ITGA11: variants seen among roughly 807,000 people sequenced by gnomAD.
ITGA11 encodes the protein integrin subunit alpha 11.
A neutral mutation model predicts 141.9 loss-of-function variants in ITGA11; 97 were observed. The ratio of observed to expected loss-of-function variants is 0.68; its 90% CI spans 0.58 to 0.81. The LOEUF (loss-of-function observed/expected upper bound fraction) is 0.81. Ranked by LOEUF, ITGA11 falls within the 30% of genes least tolerant of loss-of-function variation. The pLI is 0.00. For synonymous variants in ITGA11, 658 were observed against 624.6 expected (o/e 1.05, Z -0.80); for missense variants, 1,387 against 1,559.2 (o/e 0.89, Z 1.86).
rs375247290 is a variant in ITGA11, at chr15:68,335,760, G to A, written c.1362C>T (p.Val454=). ...GGTTGTTGTGCATGGTGAACAGGATGACCTTGCCCGTGTGGTTGAACCGGG... is the reference window on the plus strand; with the variant it reads ...GGTTGTTGTGCATGGTGAACAGGATAACCTTGCCCGTGTGGTTGAACCGGG... ...GAPRFNHTGK[V]ILFTMHNNRS... is the part of the protein sequence containing the mutation. The change falls in exon 12 of 30, where the codon GTC becomes GTT. Residue 454 remains valine, a synonymous_variant. Transcript: ENST00000315757. This position sits in a 1 kb window ranked among gnomAD's most constrained non-coding sequence, Gnocchi z 4.9. 3 of 1,613,936 alleles carry A rather than the reference G, an allele frequency of 1.9e-6. No individual in the cohort carries two copies. The highest frequency in any genetic ancestry group is 2.5e-6 in the Non-Finnish European group (3 of 1,179,874).
intron 1 of ITGA11, among the ~76,000 whole-genome samples, chr15:68,422,749 C>T (rs990958800): frequency 6.6e-5 from 10 of 152,214 alleles, no homozygotes; most frequent in Admixed American, 5.9e-4. Context: ...AGGCAGTTTA[C>T]CCAGGTGAAC....
intron 10 of ITGA11, 87 bp downstream of exon 10, chr15:68,348,743 G>A (rs1014077065): frequency 2.5e-6 from 3 of 1,178,980 alleles, no homozygotes; most frequent in South Asian, 2.6e-5. Context: ...TGTGAAGGTG[G>A]ATGACAGATC....
chr15:68,334,909 G>T (rs1172227344), intron 12 of ITGA11, among the ~76,000 whole-genome samples: 1 of 152,136 alleles, frequency 6.6e-6, no homozygotes, highest in Non-Finnish European at 1.5e-5. Flanking sequence ...GCCTGGGATG[G>T]CCTGCACCCA....
Position 68,315,882 on chromosome 15 carries a change from C to G in ITGA11, c.2716-155G>C, listed in dbSNP as rs564919655. ...GGGAACAGGCTGGGAAAGGGAGGAC[C>G]AGGTGCTACAGAACATGAGCTGAGC... On this transcript the variant is annotated intron_variant, in intron 21 of 29. Transcript: ENST00000315757. Among the ~76,000 whole-genome samples the G allele has an allele frequency of 2.0e-5, 3 of 152,286 alleles. No homozygotes were observed. In the East Asian group the frequency reaches 5.8e-4, roughly 29 times the overall value.
At chr15:68,367,851 T>C (rs1302850727) in intron 3 of ITGA11, among the ~76,000 whole-genome samples, 1 of 152,146 alleles carries the variant, frequency 6.6e-6, no homozygotes, top group Non-Finnish European at 1.5e-5. Flanking sequence ...AGCAAAGAAT[T>C]TGTACAGCTG....
At chr15:68,398,772 A>G (rs549416802) in intron 2 of ITGA11, among the ~76,000 whole-genome samples, 68 of 147,812 alleles carry the variant, frequency 4.6e-4, no homozygotes, top group African/African-American at 1.7e-3. Flanking sequence ...CATAGTATAA[A>G]ATGAAATGAA....
At chr15:68,360,888 C>T (rs1258815537) in intron 5 of ITGA11, among the ~76,000 whole-genome samples, 1 of 152,178 alleles carries the variant, frequency 6.6e-6, no homozygotes, top group Non-Finnish European at 1.5e-5. Flanking sequence ...TGGAGGGCGG[C>T]TGCAGGCAAG....
intron 2 of ITGA11, among the ~76,000 whole-genome samples, chr15:68,380,757 G>T (rs542956899): frequency 2.3e-4 from 35 of 152,256 alleles, no homozygotes; most frequent in African/African-American, 8.4e-4. Context: ...GGCCTGAGGT[G>T]GGATCTGGAG....
chr15:68,379,954 G>C (rs1475828914), intron 2 of ITGA11, among the ~76,000 whole-genome samples: 1 of 152,212 alleles, frequency 6.6e-6, no homozygotes, highest in Non-Finnish European at 1.5e-5. Flanking sequence ...ATCTGGGCTG[G>C]TGTGCTTGCT....
chr15:68,424,715 G>T (rs530620176), intron 1 of ITGA11, among the ~76,000 whole-genome samples: 1 of 151,490 alleles, frequency 6.6e-6, no homozygotes, highest in South Asian at 2.1e-4. Context: ...GACCCTGGAG[G>T]ACTATGCCAA....
intron 3 of ITGA11, among the ~76,000 whole-genome samples, chr15:68,366,254 C>T (rs930528943): frequency 7.9e-5 from 12 of 152,124 alleles, no homozygotes; most frequent in African/African-American, 2.2e-4. Context: ...CCTTTCAGGA[C>T]CCCTCACGGT....
Position 68,302,932 on chromosome 15 carries a change from G to T in ITGA11, c.*127C>A. 1.4e-6 allele frequency: 1 copy of T among 698,166 alleles called. No individual in the cohort carries two copies. The highest frequency in any genetic ancestry group is 2.4e-6 in the Non-Finnish European group (1 of 414,286). The allele number at this position is 698,166 out of a possible 1,614,324, so 43.2% of individuals were successfully genotyped here. On this transcript the variant is annotated 3_prime_UTR_variant, in exon 30 of 30. Transcript: ENST00000315757. ...AGGGAGCAGGCGCCATTGCTCGGGAGATGAGGTCAAGTGCAAAGCCAGCTG... is the reference window on the plus strand; with the variant it reads ...AGGGAGCAGGCGCCATTGCTCGGGATATGAGGTCAAGTGCAAAGCCAGCTG...
At chr15:68,349,072 C>T (rs1331254795) in intron 9 of ITGA11, among the ~76,000 whole-genome samples, 172 bp from the exon 10 acceptor site, 2 of 152,198 alleles carry the variant, frequency 1.3e-5, no homozygotes, top group Admixed American at 6.5e-5. Flanking sequence ...CTCCTCAGCC[C>T]TCCCCAGCAC....
At chr15:68,377,825 C>A (rs1050323852) in intron 2 of ITGA11, among the ~76,000 whole-genome samples, 12 of 152,208 alleles carry the variant, frequency 7.9e-5, no homozygotes, top group African/African-American at 2.9e-4. Context: ...TCCACTCCAA[C>A]CCTTCTCTAG....
chr15:68,313,513 G>A (rs1421034366), intron 23 of ITGA11, among the ~76,000 whole-genome samples: 2 of 152,104 alleles, frequency 1.3e-5, no homozygotes, highest in Admixed American at 6.5e-5. Context: ...GCCTCCCACT[G>A]CCCCCACCCT....
At position 68,335,973 on chromosome 15, in the gene ITGA11, G is replaced by GA. The variant is rs1894343622; in HGVS notation, c.1277-129dup. The GA allele has an allele frequency of 9.1e-7, 1 of 1,103,296 alleles. No homozygotes were observed. The highest frequency in any genetic ancestry group is 1.5e-5 in the African/African-American group (1 of 64,826). 68.3% of individuals were successfully genotyped at this position (1,103,296 alleles called of 1,614,324 possible). ...GGGTAGGTTCAGGGCTAGCTGAGCA[G>GA]ATTCAATCACGCAGGGCCATAATTC... On this transcript the variant is annotated intron_variant, in intron 11 of 29. Coordinates refer to ENST00000315757, the MANE Select transcript of ITGA11 (RefSeq NM_001004439.2). The surrounding 1 kb of genome is among the most constrained non-coding windows in gnomAD (Gnocchi z 4.9).
chr15:68,396,623 A>G (rs1234172521), intron 2 of ITGA11, among the ~76,000 whole-genome samples: 1 of 151,554 alleles, frequency 6.6e-6, no homozygotes, highest in Non-Finnish European at 1.5e-5. Context: ...AAAATAATAA[A>G]CAAAACTGTA....
rs763182991 is a variant in ITGA11 at position 68,320,168 on chromosome 15, G to T, written c.2616+17C>A. The T allele has an allele frequency of 6.2e-7, 1 of 1,612,236 alleles. No homozygotes were observed. The highest frequency in any genetic ancestry group is 8.5e-7 in the Non-Finnish European group (1 of 1,178,420). ...GTGCCAGGCAGAGGCAGTCTGGGCA[G>T]GTCGCTGAGGTCTTACCTTCTGGAT... On this transcript the variant is annotated intron_variant, in intron 20 of 29. Coordinates refer to ENST00000315757, the MANE Select transcript of ITGA11 (RefSeq NM_001004439.2).
chr15:68,367,271 C>A (rs1895452236), intron 3 of ITGA11, among the ~76,000 whole-genome samples: 1 of 152,126 alleles, frequency 6.6e-6, no homozygotes, highest in Admixed American at 6.5e-5. Flanking sequence ...GAATCCACGT[C>A]CCTGCCTGGA....
Sources: gnomAD v4.1 joint callset for allele counts (sites outside exome capture counted in the v4.1 genomes callset) on GRCh38, gnomAD v4.1.1 for gene constraint, Gnocchi (gnomAD v3.1) non-coding constraint, MANE v1.5 for transcripts, NCBI Gene and HGNC (gene_info 2026-07-23, HGNC 2026-07-21) for gene names.